LGR4: variants seen among roughly 807,000 people sequenced by gnomAD.
The protein encoded by LGR4 is leucine rich repeat containing G protein-coupled receptor 4, also known as leucine-rich repeat-containing G protein-coupled receptor 4.
Under a neutral mutation model 84.8 loss-of-function variants are expected in LGR4, and 44 were observed. The ratio of observed to expected loss-of-function variants is 0.52; its 90% CI spans 0.41 to 0.67. The LOEUF is 0.67. Among genes scored for constraint, LGR4 ranks in the 30% least tolerant of loss-of-function variants. The pLI is 0.00. For synonymous variants in LGR4, 429 were observed against 434.3 expected (o/e 0.99, Z 0.15); for missense variants, 1,032 against 1,131.4 (o/e 0.91, Z 1.26).
intron 1 of LGR4, among the ~76,000 whole-genome samples, chr11:27,421,465 A>G (rs1448576087): frequency 1.3e-5 from 2 of 152,158 alleles, no homozygotes; most frequent in African/African-American, 4.8e-5. Flanking sequence ...TTATGCTGTA[A>G]TTGTTTACAC....
In LGR4 at chr11:27,407,587, A is replaced by C. The variant is rs138823661; in HGVS notation, c.257+5202T>G. On this transcript the variant is annotated intron_variant, in intron 2 of 17. Coordinates refer to ENST00000379214, the MANE Select transcript of LGR4 (RefSeq NM_018490.5). ...TAACTTAGGTAAAGACTATGAAAAAATACTTTTAGAAATTTAAAATGAATT... is the reference window on the plus strand; with the variant it reads ...TAACTTAGGTAAAGACTATGAAAAACTACTTTTAGAAATTTAAAATGAATT... Among the ~76,000 whole-genome samples, 165 of 152,290 alleles carry C rather than the reference A, an allele frequency of 1.1e-3. 1 individual carries two copies. Among genetic ancestry groups the C allele is most frequent in the African/African-American group, 3.6e-3 (149 of 41,582 alleles).
chr11:27,428,621 C>G (rs937062326), intron 1 of LGR4, among the ~76,000 whole-genome samples: 1 of 151,652 alleles, frequency 6.6e-6, no homozygotes, highest in Non-Finnish European at 1.5e-5. Flanking sequence ...TGAACCAATA[C>G]AGCAGCACAA....
At position 27,368,897 on chromosome 11, in the gene LGR4, C is replaced by T. The variant is rs1383595331; in HGVS notation, c.1826G>A (p.Gly609Asp). The T allele has an allele frequency of 1.2e-6, 2 of 1,614,010 alleles. No homozygotes were observed. The highest frequency in any genetic ancestry group is 1.7e-6 in the Non-Finnish European group (2 of 1,180,020). Reference protein sequence around the residue: ...AVSWGRFAEFGIWWETGSGCK... With the variant: ...AVSWGRFAEFDIWWETGSGCK... ...GCCACTGCCAGTTTCCCACCAAATGCCAAATTCAGCGAATCTGCCCCAGGA... is the reference window on the plus strand; with the variant it reads ...GCCACTGCCAGTTTCCCACCAAATGTCAAATTCAGCGAATCTGCCCCAGGA... Residue 609 changes from glycine to aspartate, a missense_variant, in exon 18 of 18, where the codon GGC (glycine) becomes GAC (aspartate). Transcript: ENST00000379214.
intron 1 of LGR4, among the ~76,000 whole-genome samples, chr11:27,467,333 C>T (rs1229636273): frequency 3.3e-5 from 5 of 151,662 alleles, no homozygotes; most frequent in Admixed American, 6.6e-5. Context: ...TTTGGGAGGC[C>T]GAGGCAGGAG....
intron 1 of LGR4, among the ~76,000 whole-genome samples, chr11:27,418,837 T>C (rs996778121): frequency 6.7e-6 from 1 of 148,824 alleles, no homozygotes; most frequent in African/African-American, 2.5e-5. Context: ...GAAATCTTTT[T>C]TTTTTTTTTT....
chr11:27,391,288 G>A, intron 3 of LGR4, 123 bp from the exon 4 acceptor site: 1 of 572,638 alleles, frequency 1.7e-6, no homozygotes, highest in Non-Finnish European at 3.1e-6. Context: ...GGGGGGAGGT[G>A]GAGGTGGAAA....
At chr11:27,458,528 C>T (rs1486912825) in intron 1 of LGR4, among the ~76,000 whole-genome samples, 1 of 151,500 alleles carries the variant, frequency 6.6e-6, no homozygotes, top group Non-Finnish European at 1.5e-5. Context: ...TTTTTGTTTT[C>T]TTAATTTTTT....
intron 1 of LGR4, among the ~76,000 whole-genome samples, chr11:27,467,796 C>A (rs1296602570): frequency 6.6e-6 from 1 of 152,138 alleles, no homozygotes; most frequent in Non-Finnish European, 1.5e-5. Flanking sequence ...AAAGAGAACA[C>A]ATGGTTCACT....
intron 1 of LGR4, among the ~76,000 whole-genome samples, chr11:27,426,236 C>T (rs765869809): frequency 1.1e-4 from 17 of 152,282 alleles, no homozygotes; most frequent in Middle Eastern, 3.4e-3. Flanking sequence ...AGAGCGTTAA[C>T]GACAGATTTC....
At chr11:27,396,597 T>C (rs777115477) in intron 2 of LGR4, among the ~76,000 whole-genome samples, 8 of 152,130 alleles carry the variant, frequency 5.3e-5, no homozygotes, top group African/African-American at 1.9e-4. Flanking sequence ...TGAGCAGGAA[T>C]TTGGCCCTCT....
At chr11:27,434,720 T>G (rs1565092349) in intron 1 of LGR4, among the ~76,000 whole-genome samples, 1 of 152,124 alleles carries the variant, frequency 6.6e-6, no homozygotes, top group Non-Finnish European at 1.5e-5. Context: ...CAATGCCTAT[T>G]CATAGCCCCT....
intron 1 of LGR4, among the ~76,000 whole-genome samples, chr11:27,418,122 GTTA>G (rs1863855470): frequency 6.6e-6 from 1 of 152,124 alleles, no homozygotes; most frequent in African/African-American, 2.4e-5. Flanking sequence ...GTCAAAAGAT[GTTA>G]TTATCAATAG....
chr11:27,386,550 A>G (rs1392428967), intron 4 of LGR4, among the ~76,000 whole-genome samples: 1 of 152,214 alleles, frequency 6.6e-6, no homozygotes, highest in African/African-American at 2.4e-5. Flanking sequence ...TTTCAGGTTC[A>G]GGAAATTCTG....
chr11:27,392,672 T>C (rs969215033), intron 2 of LGR4, among the ~76,000 whole-genome samples, 154 bp from the exon 3 acceptor site: 5 of 152,336 alleles, frequency 3.3e-5, no homozygotes, highest in African/African-American at 1.2e-4. Flanking sequence ...CTTGCTAAAA[T>C]GATCCTGTGA....
At chr11:27,459,109 C>G (rs546099380) in intron 1 of LGR4, among the ~76,000 whole-genome samples, 1 of 152,236 alleles carries the variant, frequency 6.6e-6, no homozygotes, top group African/African-American at 2.4e-5. Context: ...TTTCTTTTAG[C>G]ATGTTGTTAT....
At chr11:27,472,084 C>A (rs771020541) in intron 1 of LGR4, 34 bp downstream of exon 1, 153 of 133,678 alleles carry the variant, frequency 1.1e-3, no homozygotes, top group Non-Finnish European at 1.7e-3. Context: ...CCCGTTTCCT[C>A]CCCCCCCCTC....
chr11:27,380,331 C>T lies in LGR4; in HGVS notation c.911G>A (p.Arg304His), dbSNP rs780334452. Reference protein sequence around the residue: ...NLSDLHSLVIRGASMVQQFPN... With the variant: ...NLSDLHSLVIHGASMVQQFPN... ...GAACTGCTGCACCATGCTTGCACCA[C>T]GAATGACTCTTTATGAAATTGAGAA... Residue 304 changes from arginine (R) to histidine (H), a missense_variant, in exon 10 of 18, where the codon CGT (arginine) becomes CAT (histidine). Transcript: ENST00000379214. The T allele has an allele frequency of 1.9e-5, 30 of 1,608,220 alleles. No individual in the cohort carries two copies. The highest frequency in any genetic ancestry group is 6.8e-5 in the Admixed American group (4 of 59,146).
chr11:27,372,414 G>A lies in LGR4; in HGVS notation c.1380-16C>T, dbSNP rs368710655. The A allele has an allele frequency of 2.7e-6, 4 of 1,459,524 alleles. No individual in the cohort carries two copies. The African/African-American group carries it at 5.6e-5, about 20-fold the overall frequency. The allele number at this position is 1,459,524 out of a possible 1,614,324, so 90.4% of individuals were successfully genotyped here. A position where few individuals can be genotyped will look rare whatever the true frequency, so the allele number is the denominator to read the frequency against. ...TGATAAAGACCTGGAAAAAAAAGTT[G>A]TAAAATCTACACTGAACAGCAACTC... On this transcript the variant is annotated splice_polypyrimidine_tract_variant and intron_variant, in intron 15 of 17. Transcript: ENST00000379214.
chr11:27,468,458 C>T (rs1029563050), intron 1 of LGR4, among the ~76,000 whole-genome samples: 7 of 152,202 alleles, frequency 4.6e-5, no homozygotes, highest in Non-Finnish European at 1.0e-4. Flanking sequence ...AATTTCCTAA[C>T]ACACACTTCT....
Sources: gnomAD v4.1 joint callset for allele counts (sites outside exome capture counted in the v4.1 genomes callset) on GRCh38, gnomAD v4.1.1 for gene constraint, MANE v1.5 for transcripts, NCBI Gene and HGNC (gene_info 2026-07-23, HGNC 2026-07-21) for gene names.